Variants in HDAC9 observed in about 807,000 individuals in gnomAD.
HDAC9 encodes histone deacetylase 9, also known as MEF-2 interacting transcription repressor (MITR) protein.
HDAC9 carries 41 observed loss-of-function variants against 139.4 expected under a neutral mutation model. The ratio of observed to expected loss-of-function variants is 0.29; its 90% confidence interval spans 0.23 to 0.38. The LOEUF is 0.38. HDAC9 is among the 10% of genes least tolerant of loss of function. The pLI is 1.00. For synonymous variants in HDAC9, 517 were observed against 476.2 expected, an observed-to-expected ratio of 1.09 and a Z score of -1.12; for missense variants, 1,147 against 1,297.0, an observed-to-expected ratio of 0.88 and a Z score of 1.78.
intron 1 of HDAC9, among the ~76,000 whole-genome samples, chr7:18,405,035 G>A (rs1034689206): frequency 1.3e-5 from 2 of 152,190 alleles, no homozygotes; most frequent in Non-Finnish European, 1.5e-5. Context: ...CACCGAACAT[G>A]TGCAACTTTG....
chr7:18,374,409 C>A (rs983084194), intron 1 of HDAC9, among the ~76,000 whole-genome samples: 1 of 151,982 alleles, frequency 6.6e-6, no homozygotes, highest in Non-Finnish European at 1.5e-5. Context: ...ACTTACAACA[C>A]AAGCCTAGAG....
At chr7:18,281,104 C>A (rs1562830559) in intron 2 of HDAC9, among the ~76,000 whole-genome samples, 1 of 152,212 alleles carries the variant, frequency 6.6e-6, no homozygotes, top group South Asian at 2.1e-4. Flanking sequence ...TAAGATGACA[C>A]AAGGTGGAAC....
At chr7:18,427,284 T>C (rs1760928483) in intron 1 of HDAC9, among the ~76,000 whole-genome samples, 1 of 152,208 alleles carries the variant, frequency 6.6e-6, no homozygotes, top group African/African-American at 2.4e-5. Context: ...TTATCTTTTT[T>C]GTGGCACCTT....
At chr7:18,247,641 A>G (rs1378622425) in intron 2 of HDAC9, among the ~76,000 whole-genome samples, 1 of 152,218 alleles carries the variant, frequency 6.6e-6, no homozygotes, top group African/African-American at 2.4e-5. Flanking sequence ...CCTCACCTTC[A>G]CTAGAAAGCT....
At chr7:18,176,480 G>T (rs1242587017) in intron 2 of HDAC9, among the ~76,000 whole-genome samples, 1 of 152,086 alleles carries the variant, frequency 6.6e-6, no homozygotes, top group East Asian at 1.9e-4. Flanking sequence ...ATTGTTTAGG[G>T]TATACTGTCT....
chr7:18,579,844 A>T (rs1160326723), intron 2 of HDAC9, among the ~76,000 whole-genome samples: 1 of 151,882 alleles, frequency 6.6e-6, no homozygotes, highest in Admixed American at 6.6e-5. Context: ...TTTGAACTCT[A>T]CTGCTTTGAG....
At chr7:18,398,086 T>C (rs951363665) in intron 1 of HDAC9, among the ~76,000 whole-genome samples, 6 of 152,206 alleles carry the variant, frequency 3.9e-5, no homozygotes, top group Non-Finnish European at 8.8e-5. Flanking sequence ...TAAAGTAAAT[T>C]TGTATTACAG....
chr7:18,531,725 G>A (rs1021814931), intron 2 of HDAC9, among the ~76,000 whole-genome samples: 1 of 151,250 alleles, frequency 6.6e-6, no homozygotes, highest in Non-Finnish European at 1.5e-5. Context: ...AATGTAGTTC[G>A]GCCTCTAATG....
At chr7:18,206,517 C>G (rs955154743) in intron 2 of HDAC9, among the ~76,000 whole-genome samples, 1 of 152,086 alleles carries the variant, frequency 6.6e-6, no homozygotes, top group Non-Finnish European at 1.5e-5. Context: ...TTTGTATATA[C>G]AAGATCCTTG....
chr7:18,508,818 A>G (rs1402244193), intron 2 of HDAC9, among the ~76,000 whole-genome samples: 3 of 152,350 alleles, frequency 2.0e-5, no homozygotes, highest in Non-Finnish European at 1.5e-5. Context: ...AGTATTCATC[A>G]CACAGGCATT....
At chr7:18,619,454 A>G (rs1391261122) in intron 6 of HDAC9, among the ~76,000 whole-genome samples, 1 of 152,194 alleles carries the variant, frequency 6.6e-6, no homozygotes, top group African/African-American at 2.4e-5. Flanking sequence ...ATCAATGATT[A>G]CATTATATTT....
intron 25 of HDAC9, among the ~76,000 whole-genome samples, chr7:18,979,170 A>T (rs190390395): frequency 6.6e-6 from 1 of 152,224 alleles, no homozygotes; most frequent in African/African-American, 2.4e-5. Flanking sequence ...TCAAAGTCTG[A>T]CCACTTTGTT....
intron 12 of HDAC9, chr7:18,668,666 TTAAA>T: frequency 1.0e-6 from 1 of 980,940 alleles, no homozygotes; most frequent in Non-Finnish European, 1.2e-6. Context: ...AAAGCTGGAC[TTAAA>T]TAATCTTAGA....
intron 22 of HDAC9, among the ~76,000 whole-genome samples, chr7:18,908,119 A>G (rs1413795008): frequency 6.6e-6 from 1 of 152,116 alleles, no homozygotes; most frequent in Non-Finnish European, 1.5e-5. Flanking sequence ...GTCTCAAATT[A>G]TGCATATTCT....
At chr7:18,358,150 T>A (rs1263822904) in intron 1 of HDAC9, among the ~76,000 whole-genome samples, 1 of 152,098 alleles carries the variant, frequency 6.6e-6, no homozygotes, top group Non-Finnish European at 1.5e-5. Context: ...GATGGTGCCA[T>A]GCATTCCAGC....
At chr7:18,855,450 T>A (rs1393274748) in intron 21 of HDAC9, among the ~76,000 whole-genome samples, 4 of 151,966 alleles carry the variant, frequency 2.6e-5, no homozygotes, top group Non-Finnish European at 5.9e-5. Context: ...ATCCACCTCA[T>A]TTCTATCATT....
At chr7:18,183,088 C>A (rs1285878235) in intron 2 of HDAC9, among the ~76,000 whole-genome samples, 1 of 151,558 alleles carries the variant, frequency 6.6e-6, no homozygotes, top group Non-Finnish European at 1.5e-5. Context: ...CGGCTCACTG[C>A]AAGCTCCGCC....
At chr7:18,615,490 C>G (rs1218458059) in intron 6 of HDAC9, among the ~76,000 whole-genome samples, 1 of 151,794 alleles carries the variant, frequency 6.6e-6, no homozygotes, top group Non-Finnish European at 1.5e-5. Context: ...ATACTTATAC[C>G]CTATGGAACT....
chr7:18,240,297 G>A (rs1051910057), intron 2 of HDAC9, among the ~76,000 whole-genome samples: 3 of 151,128 alleles, frequency 2.0e-5, no homozygotes, highest in Non-Finnish European at 3.0e-5. Flanking sequence ...ATTGTAATTT[G>A]GGATATTTTC....
Sources: allele counts gnomAD v4.1 joint callset (sites outside exome capture counted in the v4.1 genomes callset), GRCh38; gene constraint gnomAD v4.1.1; transcripts MANE v1.5; gene names NCBI Gene and HGNC (gene_info 2026-07-23, HGNC 2026-07-21).